GRIK2: variants seen among roughly 807,000 people sequenced by gnomAD.
GRIK2 encodes the protein glutamate receptor ionotropic, kainate 2.
Under a neutral mutation model 100.3 loss-of-function variants are expected in GRIK2, and 32 were observed. That is an observed-to-expected ratio of 0.32 (90% confidence interval 0.24 to 0.43). The LOEUF is 0.43. Ranked by LOEUF, GRIK2 falls within the 20% of genes least tolerant of loss-of-function variation. GRIK2 has a pLI of 1.00. For synonymous variants in GRIK2, 417 were observed against 389.4 expected (o/e 1.07, Z -0.83); for missense variants, 843 against 1,114.9 (o/e 0.76, Z 3.47).
At chr6:101,700,669 T>C (rs1238148053) in intron 7 of GRIK2, among the ~76,000 whole-genome samples, 1 of 152,124 alleles carries the variant, frequency 6.6e-6, no homozygotes, top group Non-Finnish European at 1.5e-5. Flanking sequence ...GGACATTTGA[T>C]TAGTAAGGTT....
chr6:101,498,686 A>G (rs1417696652), intron 2 of GRIK2, among the ~76,000 whole-genome samples: 2 of 151,570 alleles, frequency 1.3e-5, no homozygotes, highest in Non-Finnish European at 2.9e-5. Flanking sequence ...GTGTCTGTTC[A>G]TATCCTTTGC....
intron 14 of GRIK2, among the ~76,000 whole-genome samples, chr6:101,966,431 G>T (rs1792679485): frequency 6.6e-6 from 1 of 152,100 alleles, no homozygotes; most frequent in African/African-American, 2.4e-5. Context: ...GAGAGTAACA[G>T]AAGTAATAGA....
intron 7 of GRIK2, among the ~76,000 whole-genome samples, chr6:101,793,033 T>C (rs1280519381): frequency 6.6e-6 from 1 of 152,160 alleles, no homozygotes; most frequent in Non-Finnish European, 1.5e-5. Flanking sequence ...TTCACGCAGT[T>C]CTCGAGCCTT....
At chr6:101,509,335 T>C (rs1288200972) in intron 2 of GRIK2, among the ~76,000 whole-genome samples, 2 of 152,164 alleles carry the variant, frequency 1.3e-5, no homozygotes, top group African/African-American at 4.8e-5. Flanking sequence ...CTTCAGTGTA[T>C]GCAAATTGGA....
chr6:101,578,196 C>T (rs575516336), intron 2 of GRIK2, among the ~76,000 whole-genome samples: 1 of 152,298 alleles, frequency 6.6e-6, no homozygotes, highest in Admixed American at 6.5e-5. Flanking sequence ...AAATGCTCTC[C>T]ATTCCCTCTT....
intron 7 of GRIK2, among the ~76,000 whole-genome samples, chr6:101,786,507 A>C (rs1347654606): frequency 6.6e-6 from 1 of 152,052 alleles, no homozygotes; most frequent in African/African-American, 2.4e-5. Context: ...TTATGAAGGA[A>C]TGTTGAATTT....
At chr6:101,970,609 G>C (rs1792984107) in intron 14 of GRIK2, among the ~76,000 whole-genome samples, 1 of 151,956 alleles carries the variant, frequency 6.6e-6, no homozygotes, top group Non-Finnish European at 1.5e-5. Flanking sequence ...AGTAACATCT[G>C]AGTGTTGTTC....
chr6:102,046,082 G>A (rs1770872474), intron 15 of GRIK2, among the ~76,000 whole-genome samples: 1 of 151,916 alleles, frequency 6.6e-6, no homozygotes. Flanking sequence ...AACATTTATA[G>A]GAGACAAAGA....
At chr6:101,854,421 G>A (rs1012491770) in intron 10 of GRIK2, among the ~76,000 whole-genome samples, 4 of 151,862 alleles carry the variant, frequency 2.6e-5, no homozygotes, top group South Asian at 4.2e-4. Flanking sequence ...CACCACACCC[G>A]GCTAAGTTTT....
chr6:101,880,554 A>G (rs1015010341), intron 11 of GRIK2, among the ~76,000 whole-genome samples: 4 of 152,058 alleles, frequency 2.6e-5, no homozygotes, highest in Non-Finnish European at 4.4e-5. Context: ...ATTATTTCAC[A>G]GTCGAGAAAA....
chr6:101,648,119 C>A (rs1781614830), intron 4 of GRIK2, among the ~76,000 whole-genome samples: 1 of 152,108 alleles, frequency 6.6e-6, no homozygotes, highest in South Asian at 2.1e-4. Flanking sequence ...TATTTCTAAT[C>A]ATTATTTTTC....
At chr6:101,575,873 G>A (rs992449162) in intron 2 of GRIK2, among the ~76,000 whole-genome samples, 4 of 151,790 alleles carry the variant, frequency 2.6e-5, no homozygotes, top group Non-Finnish European at 4.4e-5. Context: ...GCATTTAAAG[G>A]TTCCTTTTTT....
intron 7 of GRIK2, among the ~76,000 whole-genome samples, chr6:101,761,105 T>A (rs541345737): frequency 1.5e-4 from 23 of 152,156 alleles, no homozygotes; most frequent in Non-Finnish European, 2.9e-4. Context: ...TTTGACTCCA[T>A]CTAGAAAGAT....
chr6:101,464,933 A>T (rs1771562970), intron 2 of GRIK2, among the ~76,000 whole-genome samples: 1 of 152,100 alleles, frequency 6.6e-6, no homozygotes, highest in Admixed American at 6.5e-5. Flanking sequence ...ATTGAATTAG[A>T]TTAATATTCT....
At chr6:102,038,708 C>CTCTT (rs35680998) in intron 15 of GRIK2, among the ~76,000 whole-genome samples, 41,356 of 150,980 alleles carry the variant, frequency 0.27, 5,724 homozygotes, top group East Asian at 0.31. Context: ...GAGGTTCTTG[C>CTCTT]TCTTTCTCAG....
rs570730561 is a variant in GRIK2, at chr6:101,947,792, C to T, written c.2085+19160C>T. On this transcript the variant is annotated intron_variant, in intron 14 of 16. Transcript: ENST00000369134. The stretch of plus-strand genomic sequence containing the variant: ...TACACATGTTCAGAAAGTAATCTTT[C>T]AGACATTAGTAGGTGTGTTAAATGA... Among the ~76,000 whole-genome samples the T allele has an allele frequency of 3.4e-4, 52 of 152,266 alleles. 1 individual carries two copies. In the South Asian group the frequency reaches 0.011, roughly 31 times the overall value.
intron 12 of GRIK2, among the ~76,000 whole-genome samples, chr6:101,905,555 T>C (rs1788162323): frequency 6.6e-6 from 1 of 151,536 alleles, no homozygotes; most frequent in African/African-American, 2.4e-5. Flanking sequence ...ATCCAAAACA[T>C]TAAACTGATT....
intron 14 of GRIK2, among the ~76,000 whole-genome samples, chr6:101,985,861 G>T (rs190970515): frequency 3.3e-5 from 5 of 151,686 alleles, no homozygotes; most frequent in African/African-American, 1.2e-4. Flanking sequence ...ATTAATTCAT[G>T]TCAAATTTTG....
At chr6:101,825,300 T>C (rs1782248971) in intron 10 of GRIK2, among the ~76,000 whole-genome samples, 1 of 152,212 alleles carries the variant, frequency 6.6e-6, no homozygotes, top group Admixed American at 6.5e-5. Context: ...TGGTACTACA[T>C]TTCTCTCTTT....
Sources: allele counts gnomAD v4.1 joint callset (sites outside exome capture counted in the v4.1 genomes callset), GRCh38; gene constraint gnomAD v4.1.1; transcripts MANE v1.5; gene names NCBI Gene and HGNC (gene_info 2026-07-23, HGNC 2026-07-21).